TMED10: variants seen among roughly 807,000 people sequenced by gnomAD.
TMED10 encodes transmembrane emp24 domain-containing protein 10.
TMED10 carries 7 observed loss-of-function variants against 23.1 expected under a neutral mutation model. That is an observed-to-expected ratio of 0.30 (90% confidence interval 0.17 to 0.57). The LOEUF (loss-of-function observed/expected upper bound fraction) is 0.57. Among genes scored for constraint, TMED10 ranks in the 20% least tolerant of loss-of-function variants. The pLI is 0.91. For synonymous variants in TMED10, 113 were observed against 106.9 expected, an observed-to-expected ratio of 1.06 and a Z score of -0.35; for missense variants, 162 against 274.8, an observed-to-expected ratio of 0.59 and a Z score of 2.90.
chr14:75,149,377 T>C (rs1895928207), intron 2 of TMED10, among the ~76,000 whole-genome samples: 1 of 152,248 alleles, frequency 6.6e-6, no homozygotes, highest in African/African-American at 2.4e-5. Context: ...TGCCATGTTA[T>C]TGTGACACAG....
chr14:75,135,525 T>C (rs1165505909), intron 4 of TMED10: 1 of 458,132 alleles, frequency 2.2e-6, no homozygotes. Context: ...ATCAGTTTGA[T>C]GTGGGTATAG....
At position 75,132,976 on chromosome 14, in the gene TMED10, C is replaced by T. The variant is rs1191289064; in HGVS notation, c.*1909G>A. On this transcript the variant is annotated 3_prime_UTR_variant, in exon 5 of 5. Transcript: ENST00000303575. Reference sequence around the variant, plus strand: ...TATAAACAATGGTCATTTATATCCACACTTTCTCTTATTTACATTAGTTTT... The same window carrying T: ...TATAAACAATGGTCATTTATATCCATACTTTCTCTTATTTACATTAGTTTT... The T allele has an allele frequency of 6.6e-6, 1 of 152,264 alleles. No individual in the cohort carries two copies. The highest frequency in any genetic ancestry group is 2.4e-5 in the African/African-American group (1 of 41,470). The allele number at this position is 152,264 out of a possible 1,614,324, so 9.4% of individuals were successfully genotyped here. A position where few individuals can be genotyped will look rare whatever the true frequency, so the allele number is the denominator to read the frequency against.
In TMED10 at chr14:75,176,582, T is replaced by C. The variant is rs1896309255; in HGVS notation, c.-3A>G. 6.2e-7 allele frequency: 1 copy of C among 1,613,812 alleles called. No individual in the cohort carries two copies. Among genetic ancestry groups the C allele is most frequent in the South Asian group, 1.1e-5 (1 of 91,064 alleles). ...GGTGGGCCAGACAAACCAGACATGG[T>C]GCTGGAGACTCGTTCACCACCGAAG... On this transcript the variant is annotated 5_prime_UTR_variant, in exon 1 of 5. Coordinates refer to ENST00000303575, the MANE Select transcript of TMED10 (RefSeq NM_006827.6).
chr14:75,158,143 AG>A (rs1290655827), intron 1 of TMED10, among the ~76,000 whole-genome samples: 4 of 152,178 alleles, frequency 2.6e-5, no homozygotes, highest in Non-Finnish European at 5.9e-5. Context: ...GTGTTAACAC[AG>A]CACTGATCAG....
intron 1 of TMED10, among the ~76,000 whole-genome samples, chr14:75,159,152 T>C (rs1896057297): frequency 6.6e-6 from 1 of 152,102 alleles, no homozygotes; most frequent in Admixed American, 6.5e-5. Context: ...TTCAAAAAGG[T>C]AGACAGCAGG....
intron 3 of TMED10, among the ~76,000 whole-genome samples, chr14:75,146,918 G>GATAGATAA (rs1487858160): frequency 6.6e-6 from 1 of 151,932 alleles, no homozygotes; most frequent in Non-Finnish European, 1.5e-5. Flanking sequence ...CAGATAGATA[G>GATAGATAA]ATAGATAGAT....
intron 1 of TMED10, among the ~76,000 whole-genome samples, chr14:75,175,018 C>T (rs967558310): frequency 3.1e-5 from 4 of 128,922 alleles, no homozygotes; most frequent in Non-Finnish European, 6.1e-5. Flanking sequence ...CCAGCCTGGA[C>T]GACAGAGCAA....
chr14:75,135,641 A>C (rs1172992528), intron 4 of TMED10, 119 bp downstream of exon 4: 2 of 1,396,380 alleles, frequency 1.4e-6, no homozygotes, highest in East Asian at 2.3e-5. Context: ...CGAAGCAAGC[A>C]ATTTCCCCTC....
At chr14:75,163,718 G>A (rs796860436) in intron 1 of TMED10, among the ~76,000 whole-genome samples, 219 of 152,064 alleles carry the variant, frequency 1.4e-3, no homozygotes, top group African/African-American at 5.1e-3. Flanking sequence ...GTAAACACTT[G>A]GGCATGTTCC....
intron 1 of TMED10, among the ~76,000 whole-genome samples, chr14:75,172,457 C>T (rs1327065144): frequency 1.3e-5 from 2 of 152,072 alleles, no homozygotes. Flanking sequence ...AGATGTGTGC[C>T]ACCACGCCCA....
At chr14:75,153,863 G>A (rs1440468112) in intron 1 of TMED10, among the ~76,000 whole-genome samples, 6 of 142,630 alleles carry the variant, frequency 4.2e-5, no homozygotes, top group Middle Eastern at 3.9e-3. Context: ...TCCGCCTCCC[G>A]GGTTCAGGTG....
chr14:75,146,957 G>A (rs2139839446), intron 3 of TMED10, among the ~76,000 whole-genome samples: 1 of 143,000 alleles, frequency 7.0e-6, no homozygotes, highest in East Asian at 2.3e-4. Context: ...ACAACTGTTG[G>A]TCTTGGGGAA....
chr14:75,172,285 G>C (rs1896243609), intron 1 of TMED10, among the ~76,000 whole-genome samples: 1 of 151,862 alleles, frequency 6.6e-6, no homozygotes, highest in Non-Finnish European at 1.5e-5. Context: ...CATACTATAT[G>C]GACTGGGTAT....
intron 3 of TMED10, among the ~76,000 whole-genome samples, chr14:75,138,759 G>T (rs1895783368): frequency 6.8e-6 from 1 of 147,746 alleles, no homozygotes; most frequent in South Asian, 2.1e-4. Flanking sequence ...AGCTGAAAAT[G>T]ATATTAAAAA....
intron 3 of TMED10, among the ~76,000 whole-genome samples, chr14:75,140,595 C>G (rs771988701): frequency 6.6e-6 from 1 of 152,140 alleles, no homozygotes; most frequent in African/African-American, 2.4e-5. Context: ...GTAGTCCCAG[C>G]TACTCAGGAG....
intron 1 of TMED10, among the ~76,000 whole-genome samples, chr14:75,163,155 T>C (rs748906859): frequency 2.8e-4 from 42 of 151,914 alleles, no homozygotes; most frequent in African/African-American, 9.2e-4. Context: ...GGGAGGAGGA[T>C]TGCCTGATCC....
chr14:75,139,515 T>A (rs757597176), intron 3 of TMED10, among the ~76,000 whole-genome samples: 30 of 151,778 alleles, frequency 2.0e-4, no homozygotes, highest in Admixed American at 5.3e-4. Flanking sequence ...TCACACCTGT[T>A]ATCCCAATAC....
intron 3 of TMED10, among the ~76,000 whole-genome samples, chr14:75,144,309 C>A (rs1895857061): frequency 6.6e-6 from 1 of 152,066 alleles, no homozygotes; most frequent in Non-Finnish European, 1.5e-5. Flanking sequence ...AAAGATACAC[C>A]CTCTGAAGGG....
At chr14:75,164,229 C>CTTTTT (rs765743077) in intron 1 of TMED10, among the ~76,000 whole-genome samples, 5 of 118,484 alleles carry the variant, frequency 4.2e-5, no homozygotes, top group Non-Finnish European at 8.7e-5. Context: ...CCATGCCCGG[C>CTTTTT]TTTTTTTTTT....
Sources: allele counts gnomAD v4.1 joint callset (sites outside exome capture counted in the v4.1 genomes callset), GRCh38; gene constraint gnomAD v4.1.1; transcripts MANE v1.5; gene names NCBI Gene and HGNC (gene_info 2026-07-23, HGNC 2026-07-21).